Variants in TRIM14 observed in about 807,000 individuals in gnomAD.
TRIM14 encodes tripartite motif containing 14.
Under a neutral mutation model 44.5 loss-of-function variants are expected in TRIM14, and 28 were observed. The ratio of observed to expected loss-of-function variants is 0.63; its 90% CI spans 0.47 to 0.86. The LOEUF (loss-of-function observed/expected upper bound fraction) is 0.86, where lower values mean the gene tolerates loss of function less well. TRIM14 is among the 40% of genes least tolerant of loss of function. The probability of loss-of-function intolerance (pLI) is 0.00; values close to 1 mark genes in which losing one functional copy is unlikely to be tolerated. For missense variants in TRIM14, 607 were observed against 611.1 expected, an observed-to-expected ratio of 0.99 and a Z score of 0.07; for synonymous variants, 299 against 269.2, an observed-to-expected ratio of 1.11 and a Z score of -1.08.
At position 98,100,171 on chromosome 9, in the gene TRIM14, A is replaced by G. The variant is rs368658528; in HGVS notation, c.304-7T>C. The G allele has an allele frequency of 3.2e-5, 51 of 1,612,058 alleles. No homozygotes were observed. In the African/African-American group the frequency reaches 6.3e-4, roughly 20 times the overall value. On this transcript the variant is annotated splice_polypyrimidine_tract_variant and splice_region_variant and intron_variant, in intron 2 of 5. Transcript: ENST00000341469. ...TACTTGACTCTGCATTAGCCTAAAAACAGAAAAACCAGTTGCAGATGACAT... is the reference window on the plus strand; with the variant it reads ...TACTTGACTCTGCATTAGCCTAAAAGCAGAAAAACCAGTTGCAGATGACAT...
At chr9:98,042,705 A>C in the TRIM14 span, among the ~76,000 whole-genome samples, 1 of 152,136 alleles carries the variant, frequency 6.6e-6, no homozygotes, top group Non-Finnish European at 1.5e-5. Flanking sequence ...CCCCGTCTCT[A>C]CTAAAAATAC....
intron 4 of TRIM14, among the ~76,000 whole-genome samples, chr9:98,093,953 C>T (rs1826090314): frequency 6.6e-6 from 1 of 152,110 alleles, no homozygotes; most frequent in African/African-American, 2.4e-5. Flanking sequence ...ACCATGTTGG[C>T]CAGGCTGGTC....
chr9:98,044,269 G>A, the TRIM14 span, among the ~76,000 whole-genome samples: 1 of 151,770 alleles, frequency 6.6e-6, no homozygotes, highest in Non-Finnish European at 1.5e-5. Flanking sequence ...TCCCTGTAGG[G>A]CCGTTGCACG....
At chr9:98,066,565 A>AT (rs1250634745), downstream of TRIM14, among the ~76,000 whole-genome samples, 1 of 152,038 alleles carries the variant, frequency 6.6e-6, no homozygotes, top group African/African-American at 2.4e-5. Context: ...CCGTTAGAAC[A>AT]TTTTTTATCA....
chr9:98,087,469 C>A lies in TRIM14; in HGVS notation c.*1G>T. On this transcript the variant is annotated 3_prime_UTR_variant, in exon 6 of 6. Transcript: ENST00000341469. ...GGAGGCTGTCACGCCGGTCCTGGCCCCTAGGGCAGCCGGGGGATGCTGATG... is the reference window on the plus strand; with the variant it reads ...GGAGGCTGTCACGCCGGTCCTGGCCACTAGGGCAGCCGGGGGATGCTGATG... The A allele has an allele frequency of 6.2e-7, 1 of 1,605,138 alleles. No homozygotes were observed. Among genetic ancestry groups the A allele is most frequent in the South Asian group, 1.1e-5 (1 of 90,524 alleles).
chr9:98,100,348 C>G (rs180906275), intron 2 of TRIM14, among the ~76,000 whole-genome samples, 184 bp from the exon 3 acceptor site: 1 of 151,844 alleles, frequency 6.6e-6, no homozygotes, highest in African/African-American at 2.4e-5. Context: ...GTAAAATGCA[C>G]GGAGAAATAA....
At chr9:98,101,252 G>A (rs913466315) in intron 2 of TRIM14, among the ~76,000 whole-genome samples, 7 of 152,132 alleles carry the variant, frequency 4.6e-5, no homozygotes. Flanking sequence ...TGAGATTACA[G>A]GCATGAGACA....
At chr9:98,088,120 C>T (rs1825864593) in intron 5 of TRIM14, 115 bp from the exon 6 acceptor site, 2 of 1,222,378 alleles carry the variant, frequency 1.6e-6, no homozygotes, top group Non-Finnish European at 1.1e-6. Context: ...GGAAATGGCC[C>T]AAGGAAGGGG....
the TRIM14 span, among the ~76,000 whole-genome samples, chr9:98,035,803 C>G: frequency 5.3e-5 from 8 of 152,186 alleles, no homozygotes; most frequent in African/African-American, 1.9e-4. Flanking sequence ...ACCCAAGGGG[C>G]AGAATGTGGC....
chr9:98,041,875 G>A, the TRIM14 span, among the ~76,000 whole-genome samples: 4 of 151,330 alleles, frequency 2.6e-5, no homozygotes, highest in African/African-American at 4.8e-5. Context: ...GTAGAGACGG[G>A]GTTTCTCCAT....
chr9:98,075,906 G>T (rs1564163029), intron 6 of TRIM14: 1 of 152,140 alleles, frequency 6.6e-6, no homozygotes, highest in Non-Finnish European at 1.5e-5. Flanking sequence ...AGCAAACTGA[G>T]ATTTTACTCT....
chr9:98,039,697 C>T, the TRIM14 span, among the ~76,000 whole-genome samples: 1 of 151,984 alleles, frequency 6.6e-6, no homozygotes, highest in African/African-American at 2.4e-5. Flanking sequence ...TCTTGCAGCC[C>T]CGACCCAGGA....
chr9:98,066,895 C>T (rs1261537771), downstream of TRIM14, among the ~76,000 whole-genome samples: 1 of 152,172 alleles, frequency 6.6e-6, no homozygotes, highest in Admixed American at 6.5e-5. Flanking sequence ...AGGTGATCCA[C>T]TTGCCTTGGC....
At chr9:98,062,975 C>T in the TRIM14 span, among the ~76,000 whole-genome samples, 1 of 151,958 alleles carries the variant, frequency 6.6e-6, no homozygotes, top group Non-Finnish European at 1.5e-5. Context: ...CTCACTCTGT[C>T]ACCCAGGCTG....
chr9:98,044,974 A>G, the TRIM14 span, among the ~76,000 whole-genome samples: 1 of 152,048 alleles, frequency 6.6e-6, no homozygotes, highest in Non-Finnish European at 1.5e-5. Flanking sequence ...TTAGCTGGGT[A>G]TGACGGTGCA....
intron 2 of TRIM14, among the ~76,000 whole-genome samples, chr9:98,109,255 A>G (rs1826746742): frequency 6.6e-6 from 1 of 151,020 alleles, no homozygotes; most frequent in African/African-American, 2.5e-5. Context: ...GGGAGGAGGG[A>G]GCAACAGAGG....
At chr9:98,072,535 C>T (rs1270462966) in intron 6 of TRIM14, among the ~76,000 whole-genome samples, 2 of 151,994 alleles carry the variant, frequency 1.3e-5, no homozygotes, top group East Asian at 3.9e-4. Context: ...CTCAGCCTCC[C>T]GAGTAGCTGG....
chr9:98,060,859 A>G, the TRIM14 span: 12 of 1,614,206 alleles, frequency 7.4e-6, no homozygotes, highest in South Asian at 1.3e-4. Context: ...TGGAGAGGCC[A>G]TACACCTCGA....
chr9:98,084,048 G>A (rs996160867), downstream of TRIM14, among the ~76,000 whole-genome samples: 2 of 152,234 alleles, frequency 1.3e-5, no homozygotes, highest in African/African-American at 4.8e-5. Context: ...GCCCTTCTGG[G>A]TCTGGGTGCT....
Sources: gnomAD v4.1 joint callset for allele counts (sites outside exome capture counted in the v4.1 genomes callset) on GRCh38, gnomAD v4.1.1 for gene constraint, MANE v1.5 for transcripts, NCBI Gene and HGNC (gene_info 2026-07-23, HGNC 2026-07-21) for gene names.